GRM8: variants seen among roughly 807,000 people sequenced by gnomAD.
GRM8 encodes metabotropic glutamate receptor 8.
GRM8 carries 47 observed loss-of-function variants against 87.2 expected under a neutral mutation model. The ratio of observed to expected loss-of-function variants is 0.54; its 90% confidence interval spans 0.43 to 0.69. The LOEUF (loss-of-function observed/expected upper bound fraction) is 0.69, where lower values mean the gene tolerates loss of function less well. GRM8 is among the 30% of genes least tolerant of loss of function. The pLI, the probability that GRM8 is intolerant of heterozygous loss-of-function variation, is 0.00. For synonymous variants in GRM8, 396 were observed against 404.5 expected, an observed-to-expected ratio of 0.98 and a Z score of 0.25; for missense variants, 1,019 against 1,139.2, an observed-to-expected ratio of 0.89 and a Z score of 1.52.
At chr7:127,039,365 T>C (rs17875006) in intron 3 of GRM8, among the ~76,000 whole-genome samples, 1 of 151,912 alleles carries the variant, frequency 6.6e-6, no homozygotes, top group South Asian at 2.1e-4. Context: ...AAAAGAACCA[T>C]CTAAAAGCCA....
chr7:126,782,486 T>C lies in GRM8; in HGVS notation c.1157-12421A>G, dbSNP rs1820189643. On this transcript the variant is annotated intron_variant, in intron 6 of 10. Coordinates refer to ENST00000339582, the MANE Select transcript of GRM8 (RefSeq NM_000845.3). ...ACTTAAGGAAATCACTGAATGAGTTTGCCCATGAGGAATTAAAAGCATTGA... is the reference window on the plus strand; with the variant it reads ...ACTTAAGGAAATCACTGAATGAGTTCGCCCATGAGGAATTAAAAGCATTGA... 3.3e-5 allele frequency among the ~76,000 whole-genome samples: 5 copies of C among 152,326 alleles called. No individual in the cohort carries two copies. In the South Asian group the frequency reaches 1.0e-3, roughly 32 times the overall value.
chr7:127,122,140 A>G (rs557718042), intron 2 of GRM8, among the ~76,000 whole-genome samples: 1 of 152,204 alleles, frequency 6.6e-6, no homozygotes, highest in Non-Finnish European at 1.5e-5. Context: ...AGATCCTAGG[A>G]AAGCACTTTG....
chr7:126,621,470 G>A (rs1800166436), intron 7 of GRM8, among the ~76,000 whole-genome samples: 1 of 152,258 alleles, frequency 6.6e-6, no homozygotes, highest in East Asian at 1.9e-4. Context: ...CCAGGCTGGA[G>A]TGAAGTGGCT....
At chr7:127,161,803 G>T (rs1369699281) in intron 2 of GRM8, among the ~76,000 whole-genome samples, 1 of 151,992 alleles carries the variant, frequency 6.6e-6, no homozygotes, top group Non-Finnish European at 1.5e-5. Context: ...TATAAAAAAA[G>T]ATTTAAAGGG....
At chr7:126,457,045 A>G (rs571443242) in intron 9 of GRM8, among the ~76,000 whole-genome samples, 1 of 151,556 alleles carries the variant, frequency 6.6e-6, no homozygotes, top group Non-Finnish European at 1.5e-5. Flanking sequence ...CGATATTTTC[A>G]TCAGAGGACT....
At chr7:126,986,761 A>G (rs1812114509) in intron 3 of GRM8, among the ~76,000 whole-genome samples, 1 of 152,218 alleles carries the variant, frequency 6.6e-6, no homozygotes, top group Non-Finnish European at 1.5e-5. Flanking sequence ...ACCTCCATTG[A>G]CTTAGAAAAG....
At chr7:127,071,156 G>A (rs17865226) in intron 3 of GRM8, among the ~76,000 whole-genome samples, 1,870 of 152,118 alleles carry the variant, frequency 0.012, 42 homozygotes, top group African/African-American at 0.042. Flanking sequence ...TCTTAGACTT[G>A]ACGTATGTAG....
At chr7:126,913,213 T>TA (rs1803504358) in intron 3 of GRM8, among the ~76,000 whole-genome samples, 1 of 152,272 alleles carries the variant, frequency 6.6e-6, no homozygotes, top group East Asian at 1.9e-4. Context: ...GTGTGCATTT[T>TA]TAAAAAACAA....
At chr7:126,954,896 T>TA in intron 3 of GRM8, among the ~76,000 whole-genome samples, 1 of 152,318 alleles carries the variant, frequency 6.6e-6, no homozygotes, top group Non-Finnish European at 1.5e-5. Context: ...GTATCTTTGC[T>TA]AAGCAAGGTA....
chr7:126,880,736 C>T (rs1036800449), intron 6 of GRM8, among the ~76,000 whole-genome samples: 3 of 152,140 alleles, frequency 2.0e-5, no homozygotes, highest in African/African-American at 7.2e-5. Flanking sequence ...GTGAACTTGC[C>T]TCCAATCACT....
At chr7:126,517,084 C>G (rs1812282166) in intron 9 of GRM8, among the ~76,000 whole-genome samples, 1 of 152,000 alleles carries the variant, frequency 6.6e-6, no homozygotes. Context: ...TAATTGGGCT[C>G]AATTCCATTA....
At chr7:126,647,290 G>T (rs924809202) in intron 7 of GRM8, among the ~76,000 whole-genome samples, 1 of 117,114 alleles carries the variant, frequency 8.5e-6, no homozygotes, top group African/African-American at 3.5e-5. Flanking sequence ...TACATAAATA[G>T]ATGGATAGAT....
chr7:126,919,081 T>C (rs1804223918), intron 3 of GRM8, among the ~76,000 whole-genome samples: 1 of 147,384 alleles, frequency 6.8e-6, no homozygotes, highest in African/African-American at 2.5e-5. Context: ...TTAGCTTGTT[T>C]AAAAAAAAAA....
At chr7:127,111,783 T>A (rs1826368891) in intron 2 of GRM8, among the ~76,000 whole-genome samples, 1 of 152,132 alleles carries the variant, frequency 6.6e-6, no homozygotes, top group Non-Finnish European at 1.5e-5. Flanking sequence ...TCCCAGCAGT[T>A]TGGGAGGCTG....
chr7:127,195,385 C>T (rs766337544), intron 2 of GRM8, among the ~76,000 whole-genome samples: 15 of 152,026 alleles, frequency 9.9e-5, no homozygotes, highest in South Asian at 2.1e-4. Context: ...ACTACCTGGA[C>T]GGGGGAAAAT....
chr7:126,892,021 T>TA (rs5887316), intron 6 of GRM8, among the ~76,000 whole-genome samples: 24,211 of 94,924 alleles, frequency 0.26, 3,264 homozygotes, highest in African/African-American at 0.29. Flanking sequence ...TCTTGCAGGG[T>TA]AAAAAAAAAA....
chr7:127,192,954 C>G (rs894203772), intron 2 of GRM8, among the ~76,000 whole-genome samples: 1 of 152,128 alleles, frequency 6.6e-6, no homozygotes, highest in Non-Finnish European at 1.5e-5. Flanking sequence ...TTTTACTCAT[C>G]TTTTAAGGTC....
At chr7:126,823,234 C>T (rs1161537245) in intron 6 of GRM8, among the ~76,000 whole-genome samples, 1 of 152,178 alleles carries the variant, frequency 6.6e-6, no homozygotes, top group East Asian at 1.9e-4. Flanking sequence ...TAAAAATAAA[C>T]ATATAGCCGT....
In GRM8 at chr7:126,685,810, G is replaced by C. The variant is rs921382463; in HGVS notation, c.1358-76312C>G. 6.6e-6 allele frequency among the ~76,000 whole-genome samples: 1 copy of C among 152,018 alleles called. No homozygotes were observed. Among genetic ancestry groups the C allele is most frequent in the East Asian group, 1.9e-4 (1 of 5,140 alleles). On this transcript the variant is annotated intron_variant, in intron 7 of 10. Coordinates refer to ENST00000339582, the MANE Select transcript of GRM8 (RefSeq NM_000845.3). This position sits in a 1 kb window ranked among gnomAD's most constrained non-coding sequence, Gnocchi z 4.2. ...GTGACAGGCGGCAGACAGGCTCCTG[G>C]GCAGAAGGGGGAAGGTCCTCAGTGA...
Sources: gnomAD v4.1 joint callset for allele counts (sites outside exome capture counted in the v4.1 genomes callset) on GRCh38, gnomAD v4.1.1 for gene constraint, Gnocchi (gnomAD v3.1) non-coding constraint, MANE v1.5 for transcripts, NCBI Gene and HGNC (gene_info 2026-07-23, HGNC 2026-07-21) for gene names.